Variants in CDK5RAP2 observed in about 807,000 individuals in gnomAD.
The protein encoded by CDK5RAP2 is CDK5 regulatory subunit-associated protein 2.
Under a neutral mutation model 232.9 loss-of-function variants are expected in CDK5RAP2, and 147 were observed. The observed-to-expected ratio is 0.63, with a 90% CI of 0.55 to 0.72. CDK5RAP2 has a LOEUF of 0.72. Among genes scored for constraint, CDK5RAP2 ranks in the 30% least tolerant of loss-of-function variants. The pLI, the probability that CDK5RAP2 is intolerant of heterozygous loss-of-function variation, is 0.00. For missense variants in CDK5RAP2, 2,195 were observed against 2,231.5 expected (o/e 0.98, Z 0.33); for synonymous variants, 833 against 833.7 (o/e 1.00, Z 0.01).
chr9:120,399,296 A>C (rs1290143313), intron 35 of CDK5RAP2, among the ~76,000 whole-genome samples: 2 of 152,228 alleles, frequency 1.3e-5, no homozygotes, highest in Non-Finnish European at 2.9e-5. Context: ...ACATTGCATT[A>C]AGGGTCAACT....
At chr9:120,451,826 C>G (rs1206323858) in intron 21 of CDK5RAP2, among the ~76,000 whole-genome samples, 5 of 149,128 alleles carry the variant, frequency 3.4e-5, no homozygotes, top group Non-Finnish European at 7.4e-5. Context: ...CAAATTCATA[C>G]TCTTGTTGAG....
In CDK5RAP2 at chr9:120,528,769, C is replaced by A. The variant is rs772563178; in HGVS notation, c.854G>T (p.Arg285Ile). 6.2e-7 allele frequency: 1 copy of A among 1,609,970 alleles called. No homozygotes were observed. ...CTGGATCCTCTCTTCAAAGCTGTTTCTCTCCTTCTGATGCTCCATTTGTGC... is the reference window on the plus strand; with the variant it reads ...CTGGATCCTCTCTTCAAAGCTGTTTATCTCCTTCTGATGCTCCATTTGTGC... ...EAAQMEHQKE[R>I]NSFEERIQAL... The change falls in exon 9 of 38, where the codon AGA (arginine) becomes ATA (isoleucine). Residue 285 changes from arginine to isoleucine, a missense_variant. By Grantham distance (97) the Arg-to-Ile change is moderately conservative. Transcript: ENST00000349780.
At chr9:120,500,304 ATTTGT>A (rs2131709501) in intron 12 of CDK5RAP2, among the ~76,000 whole-genome samples, 1 of 152,092 alleles carries the variant, frequency 6.6e-6, no homozygotes, top group African/African-American at 2.4e-5. Flanking sequence ...CTAACTTCTG[ATTTGT>A]TTTCTTAGGC....
intron 18 of CDK5RAP2, 120 bp from the exon 19 acceptor site, chr9:120,460,787 G>A (rs778936158): frequency 4.0e-6 from 6 of 1,511,182 alleles, no homozygotes; most frequent in South Asian, 2.5e-5. Context: ...AAACAAAAAA[G>A]AGGAAGAAAC....
chr9:120,575,854 T>C (rs2043014246), intron 1 of CDK5RAP2, among the ~76,000 whole-genome samples: 1 of 152,238 alleles, frequency 6.6e-6, no homozygotes, highest in Admixed American at 6.5e-5. Context: ...GTATACATCA[T>C]GCTACAACAT....
At chr9:120,469,532 G>C (rs2037572145) in intron 17 of CDK5RAP2, among the ~76,000 whole-genome samples, 1 of 152,058 alleles carries the variant, frequency 6.6e-6, no homozygotes, top group Admixed American at 6.6e-5. Flanking sequence ...CTATTTCTAA[G>C]AATGTTTTTC....
chr9:120,393,508 G>A (rs889491063), intron 36 of CDK5RAP2, among the ~76,000 whole-genome samples: 2 of 152,208 alleles, frequency 1.3e-5, no homozygotes, highest in Non-Finnish European at 2.9e-5. Context: ...CAGGAGAGCC[G>A]CACAAGGCAG....
At chr9:120,567,552 A>G (rs2042691982) in intron 3 of CDK5RAP2, among the ~76,000 whole-genome samples, 2 of 152,206 alleles carry the variant, frequency 1.3e-5, no homozygotes, top group South Asian at 4.1e-4. Flanking sequence ...GTTAAAGAGA[A>G]CTGGAATTGG....
intron 37 of CDK5RAP2, 67 bp downstream of exon 37, chr9:120,389,674 T>C: frequency 6.9e-7 from 1 of 1,447,186 alleles, no homozygotes; most frequent in Non-Finnish European, 9.7e-7. Flanking sequence ...TTTCAAGAGG[T>C]CCTTTCTGGC....
At chr9:120,483,397 G>A (rs1332885605) in intron 14 of CDK5RAP2, among the ~76,000 whole-genome samples, 1 of 152,236 alleles carries the variant, frequency 6.6e-6, no homozygotes, top group Non-Finnish European at 1.5e-5. Context: ...CTCTGGGTCT[G>A]TGTCATGTCA....
chr9:120,551,057 C>T (rs761390693), intron 3 of CDK5RAP2, among the ~76,000 whole-genome samples, 155 bp from the exon 4 acceptor site: 3 of 151,974 alleles, frequency 2.0e-5, no homozygotes, highest in Non-Finnish European at 4.4e-5. Context: ...TTCTACTAAC[C>T]CAGAAGAATT....
intron 15 of CDK5RAP2, among the ~76,000 whole-genome samples, chr9:120,472,903 T>G (rs1196175388): frequency 6.6e-6 from 1 of 152,228 alleles, no homozygotes; most frequent in Non-Finnish European, 1.5e-5. Flanking sequence ...ACCAAGGAAC[T>G]GAACGTTTAA....
chr9:120,391,068 G>A (rs1194009481), intron 36 of CDK5RAP2, among the ~76,000 whole-genome samples: 1 of 152,050 alleles, frequency 6.6e-6, no homozygotes, highest in Non-Finnish European at 1.5e-5. Context: ...TAAACCCTCC[G>A]ACACTGTGTG....
chr9:120,552,874 C>T (rs1405748685), intron 3 of CDK5RAP2, among the ~76,000 whole-genome samples: 1 of 151,528 alleles, frequency 6.6e-6, no homozygotes, highest in Non-Finnish European at 1.5e-5. Context: ...TGTGTCATGA[C>T]ATCTGCAATT....
chr9:120,457,237 T>C (rs1239049680), intron 20 of CDK5RAP2, among the ~76,000 whole-genome samples: 6 of 152,178 alleles, frequency 3.9e-5, no homozygotes, highest in African/African-American at 1.4e-4. Flanking sequence ...CTCCCAACCA[T>C]TGGCTGGGGC....
At chr9:120,443,097 G>A (rs1564223506) in intron 23 of CDK5RAP2, among the ~76,000 whole-genome samples, 1 of 152,088 alleles carries the variant, frequency 6.6e-6, no homozygotes, top group Non-Finnish European at 1.5e-5. Context: ...AAAAAGAAAG[G>A]AATACAACTT....
At chr9:120,551,515 G>C (rs1350397780) in intron 3 of CDK5RAP2, among the ~76,000 whole-genome samples, 1 of 152,186 alleles carries the variant, frequency 6.6e-6, no homozygotes, top group Admixed American at 6.5e-5. Flanking sequence ...ATAAATCAAT[G>C]AGAGCAAATA....
intron 25 of CDK5RAP2, among the ~76,000 whole-genome samples, chr9:120,426,711 C>T (rs924837012): frequency 4.6e-5 from 7 of 152,302 alleles, no homozygotes; most frequent in Non-Finnish European, 8.8e-5. Context: ...GTGTTCCCTA[C>T]AAGAGACAGC....
chr9:120,568,501 C>A, intron 2 of CDK5RAP2, 113 bp from the exon 3 acceptor site: 1 of 806,760 alleles, frequency 1.2e-6, no homozygotes, highest in Non-Finnish European at 2.2e-6. Flanking sequence ...ACAGTACACG[C>A]GGCTGGTACT....
Sources: allele counts gnomAD v4.1 joint callset (sites outside exome capture counted in the v4.1 genomes callset), GRCh38; gene constraint gnomAD v4.1.1; transcripts MANE v1.5; gene names NCBI Gene and HGNC (gene_info 2026-07-23, HGNC 2026-07-21).